PCBD2: variants seen among roughly 807,000 people sequenced by gnomAD.
The protein encoded by PCBD2 is pterin-4-alpha-carbinolamine dehydratase 2.
PCBD2 carries 12 observed loss-of-function variants against 16.4 expected under a neutral mutation model. The ratio of observed to expected loss-of-function variants is 0.73; its 90% CI spans 0.47 to 1.19. The LOEUF (loss-of-function observed/expected upper bound fraction) is 1.19. Ranked by LOEUF, PCBD2 falls within the 50% of genes most tolerant of loss-of-function variation. PCBD2 has a pLI of 0.00. For missense variants in PCBD2, 138 were observed against 156.8 expected (o/e 0.88, Z 0.64); for synonymous variants, 58 against 61.8 (o/e 0.94, Z 0.29).
intron 2 of PCBD2, among the ~76,000 whole-genome samples, chr5:134,952,279 G>A (rs907892904): frequency 6.6e-6 from 1 of 151,832 alleles, no homozygotes; most frequent in African/African-American, 2.4e-5. Flanking sequence ...TATTAAGGAA[G>A]GATGCATCTA....
intron 2 of PCBD2, among the ~76,000 whole-genome samples, chr5:134,939,179 T>C (rs17167702): frequency 0.064 from 9,785 of 152,250 alleles, 776 homozygotes; most frequent in African/African-American, 0.19. Flanking sequence ...AACCCCAACA[T>C]GTAACCTTCC....
At chr5:134,924,345 A>G (rs1384099402) in intron 2 of PCBD2, 4 of 395,718 alleles carry the variant, frequency 1.0e-5, no homozygotes, top group Non-Finnish European at 1.3e-5. Context: ...AGCGGTGGCT[A>G]TTGAGGAGTA....
intron 1 of PCBD2, among the ~76,000 whole-genome samples, chr5:134,909,464 C>T (rs547574146): frequency 1.3e-5 from 2 of 152,344 alleles, no homozygotes; most frequent in African/African-American, 4.8e-5. Flanking sequence ...TCTTTCATTC[C>T]TTTGTTCTCA....
chr5:134,915,192 G>A (rs1455080731), intron 2 of PCBD2, among the ~76,000 whole-genome samples: 1 of 151,816 alleles, frequency 6.6e-6, no homozygotes, highest in Non-Finnish European at 1.5e-5. Context: ...GCGTGCGCCT[G>A]TAATCCCAGC....
chr5:134,921,123 G>A (rs1750898740), intron 2 of PCBD2, among the ~76,000 whole-genome samples: 1 of 152,268 alleles, frequency 6.6e-6, no homozygotes, highest in African/African-American at 2.4e-5. Flanking sequence ...ACCCAGCAGA[G>A]CTGTTGGGCT....
intron 2 of PCBD2, among the ~76,000 whole-genome samples, chr5:134,915,781 A>G (rs1379873469): frequency 1.3e-5 from 2 of 152,078 alleles, no homozygotes; most frequent in Non-Finnish European, 2.9e-5. Flanking sequence ...AGCCATTTCC[A>G]TGAGCATATG....
intron 2 of PCBD2, among the ~76,000 whole-genome samples, chr5:134,912,698 G>A (rs1265189281): frequency 6.6e-6 from 1 of 152,206 alleles, no homozygotes; most frequent in African/African-American, 2.4e-5. Context: ...AGGTATTGCA[G>A]AGTGGTCTTG....
At chr5:134,914,315 TAAGAG>T (rs1262297109) in intron 2 of PCBD2, among the ~76,000 whole-genome samples, 2 of 151,820 alleles carry the variant, frequency 1.3e-5, no homozygotes, top group African/African-American at 4.8e-5. Flanking sequence ...CCTGGGGAGA[TAAGAG>T]AAGGAGTGGA....
chr5:134,957,618 A>G (rs1032933887), intron 2 of PCBD2, among the ~76,000 whole-genome samples: 39 of 152,066 alleles, frequency 2.6e-4, no homozygotes, highest in Admixed American at 1.3e-4. Context: ...GGTTGAGGCT[A>G]CAGTGATCTA....
At chr5:134,927,826 A>T in intron 2 of PCBD2, 1 of 378,580 alleles carries the variant, frequency 2.6e-6, no homozygotes, top group East Asian at 3.9e-5. Context: ...GGCAGGAGTC[A>T]GGTAGTTAGT....
intron 2 of PCBD2, among the ~76,000 whole-genome samples, chr5:134,933,377 A>C (rs1394538799): frequency 6.6e-5 from 10 of 152,144 alleles, no homozygotes; most frequent in Admixed American, 5.2e-4. Context: ...CTGGGACTAC[A>C]GGCATGCGCC....
At chr5:134,932,367 A>G (rs1192847902) in intron 2 of PCBD2, among the ~76,000 whole-genome samples, 1 of 151,344 alleles carries the variant, frequency 6.6e-6, no homozygotes, top group South Asian at 2.1e-4. Flanking sequence ...TTTGAGTTGT[A>G]GTCTTGCTCT....
chr5:134,911,485 G>A (rs1750767661), intron 2 of PCBD2, among the ~76,000 whole-genome samples: 1 of 152,194 alleles, frequency 6.6e-6, no homozygotes, highest in East Asian at 1.9e-4. Flanking sequence ...CCTTTGGACA[G>A]ATTTATTGTT....
chr5:134,917,183 A>AT (rs1415311494), intron 2 of PCBD2, among the ~76,000 whole-genome samples: 1 of 152,214 alleles, frequency 6.6e-6, no homozygotes, highest in African/African-American at 2.4e-5. Flanking sequence ...ATCCGAGGAG[A>AT]TTTTAAGTTT....
chr5:134,917,637 T>C (rs1274337535), intron 2 of PCBD2, among the ~76,000 whole-genome samples: 1 of 152,184 alleles, frequency 6.6e-6, no homozygotes, highest in East Asian at 1.9e-4. Context: ...AAGTCCAAGC[T>C]TTATTGGTTT....
chr5:134,952,900 ATTAT>A (rs1224201248), intron 2 of PCBD2, among the ~76,000 whole-genome samples: 1 of 151,606 alleles, frequency 6.6e-6, no homozygotes, highest in Non-Finnish European at 1.5e-5. Flanking sequence ...ATGCCATGTT[ATTAT>A]TTGTAGTGTA....
At chr5:134,952,629 C>T (rs561023493) in intron 2 of PCBD2, among the ~76,000 whole-genome samples, 7 of 151,920 alleles carry the variant, frequency 4.6e-5, no homozygotes, top group African/African-American at 1.7e-4. Flanking sequence ...CATAACAAGA[C>T]CCCATTTCTA....
intron 2 of PCBD2, among the ~76,000 whole-genome samples, chr5:134,944,785 G>C (rs558973626): frequency 6.6e-6 from 1 of 152,324 alleles, no homozygotes; most frequent in South Asian, 2.1e-4. Flanking sequence ...CATTTATTCT[G>C]CATGTTCCTA....
chr5:134,921,003 C>T (rs1209904965), intron 2 of PCBD2, among the ~76,000 whole-genome samples: 1 of 152,238 alleles, frequency 6.6e-6, no homozygotes, highest in African/African-American at 2.4e-5. Context: ...ACTTCAAGTG[C>T]CCTGTCCTCG....
Sources: gnomAD v4.1 joint callset for allele counts (sites outside exome capture counted in the v4.1 genomes callset) on GRCh38, gnomAD v4.1.1 for gene constraint, MANE v1.5 for transcripts, NCBI Gene and HGNC (gene_info 2026-07-23, HGNC 2026-07-21) for gene names.